The following NEGR1 variants were observed in gnomAD, a reference collection of about 807,000 sequenced individuals.
NEGR1 encodes the protein IgLON family member 4.
Under a neutral mutation model 40.9 loss-of-function variants are expected in NEGR1, and 10 were observed. That is an observed-to-expected ratio of 0.24 (90% CI 0.15 to 0.42). The LOEUF (loss-of-function observed/expected upper bound fraction) is 0.42. Among genes scored for constraint, NEGR1 ranks in the 10% least tolerant of loss-of-function variants. The pLI, the probability that NEGR1 is intolerant of heterozygous loss-of-function variation, is 1.00. For missense variants in NEGR1, 352 were observed against 438.9 expected, an observed-to-expected ratio of 0.80 and a Z score of 1.77; for synonymous variants, 185 against 166.8, an observed-to-expected ratio of 1.11 and a Z score of -0.84.
At chr1:71,825,718 G>A (rs149142688) in intron 2 of NEGR1, among the ~76,000 whole-genome samples, 1 of 151,860 alleles carries the variant, frequency 6.6e-6, no homozygotes, top group African/African-American at 2.4e-5. Context: ...AGGATCACAT[G>A]TGATTATGCA....
chr1:71,571,523 C>T (rs1378045910), intron 6 of NEGR1, among the ~76,000 whole-genome samples: 1 of 152,192 alleles, frequency 6.6e-6, no homozygotes, highest in African/African-American at 2.4e-5. Context: ...GCAGCACTGG[C>T]TCATGCCTGT....
intron 4 of NEGR1, among the ~76,000 whole-genome samples, chr1:71,655,239 G>A (rs1053485194): frequency 2.0e-5 from 3 of 152,082 alleles, no homozygotes; most frequent in Admixed American, 1.3e-4. Context: ...CCATTAAGAA[G>A]CTTACAAAAA....
chr1:71,798,058 G>C (rs554566511), intron 2 of NEGR1: 13 of 152,060 alleles, frequency 8.5e-5, no homozygotes, highest in African/African-American at 1.9e-4. Flanking sequence ...AGGACACAAA[G>C]AGCCAAATAT....
At chr1:71,994,998 A>G (rs1336411181) in intron 1 of NEGR1, among the ~76,000 whole-genome samples, 92 of 94,414 alleles carry the variant, frequency 9.7e-4, no homozygotes, top group African/African-American at 3.6e-3. Context: ...ATTTACAGGA[A>G]AAAAAAAAAA....
intron 2 of NEGR1, among the ~76,000 whole-genome samples, chr1:71,816,397 G>A (rs993682876): frequency 6.6e-6 from 1 of 151,914 alleles, no homozygotes; most frequent in Non-Finnish European, 1.5e-5. Flanking sequence ...TTTAAAAAGG[G>A]GCTTAATGGA....
chr1:71,846,422 C>T (rs112555659), intron 2 of NEGR1, among the ~76,000 whole-genome samples: 2,953 of 122,074 alleles, frequency 0.024, 59 homozygotes, highest in South Asian at 0.12. Flanking sequence ...CACAAACACA[C>T]ACACATGCAG....
chr1:71,602,238 CTTTTTTTTTTTTT>C (rs386367303), intron 5 of NEGR1, among the ~76,000 whole-genome samples: 3 of 64,538 alleles, frequency 4.6e-5, no homozygotes, highest in Admixed American at 5.4e-4. Context: ...CATGATTATT[CTTTTTTTTTTTTT>C]TTTTTTTTTT....
At chr1:71,872,895 C>T in intron 2 of NEGR1, among the ~76,000 whole-genome samples, 1 of 152,078 alleles carries the variant, frequency 6.6e-6, no homozygotes, top group East Asian at 1.9e-4. Flanking sequence ...GTTGTTCTCT[C>T]TCTTTTTACT....
chr1:71,812,987 T>C (rs1658059057), intron 2 of NEGR1, among the ~76,000 whole-genome samples: 1 of 152,140 alleles, frequency 6.6e-6, no homozygotes, highest in East Asian at 1.9e-4. Flanking sequence ...TTTTGATGTT[T>C]TCATAATGAA....
At chr1:72,155,737 T>C (rs1651333779) in intron 1 of NEGR1, among the ~76,000 whole-genome samples, 1 of 152,166 alleles carries the variant, frequency 6.6e-6, no homozygotes, top group East Asian at 1.9e-4. Context: ...AAATTTCCTA[T>C]CTAAAATAAG....
chr1:72,000,797 T>G (rs185619271), intron 1 of NEGR1, among the ~76,000 whole-genome samples: 15 of 152,288 alleles, frequency 9.8e-5, no homozygotes, highest in African/African-American at 2.2e-4. Context: ...TCATTTATTT[T>G]ATATTCTCAG....
chr1:71,447,255 G>A lies in NEGR1; in HGVS notation c.941-39685C>T, dbSNP rs947673397. ...CCTTCGCCAAGTCCTTGGAAAAATT[G>A]TAAAAATTGTCTTCCAAGAAACCGG... is the stretch of plus-strand genomic sequence containing the variant. On this transcript the variant is annotated intron_variant, in intron 6 of 6. Transcript: ENST00000357731. 2.0e-5 allele frequency among the ~76,000 whole-genome samples: 3 copies of A among 152,260 alleles called. No individual in the cohort carries two copies. In the East Asian group the frequency reaches 5.8e-4, roughly 29 times the overall value.
At chr1:72,078,526 G>C (rs1189224359) in intron 1 of NEGR1, among the ~76,000 whole-genome samples, 1 of 151,514 alleles carries the variant, frequency 6.6e-6, no homozygotes, top group Admixed American at 6.6e-5. Flanking sequence ...ACTGATACCA[G>C]TGGGAAGAAT....
chr1:71,677,197 C>T (rs1652669860), intron 4 of NEGR1, among the ~76,000 whole-genome samples: 1 of 151,980 alleles, frequency 6.6e-6, no homozygotes, highest in Non-Finnish European at 1.5e-5. Flanking sequence ...ACAGGGCAGC[C>T]CTCTGTTTCC....
chr1:71,464,506 A>G (rs1478140013), intron 6 of NEGR1, among the ~76,000 whole-genome samples: 1 of 152,092 alleles, frequency 6.6e-6, no homozygotes, highest in East Asian at 1.9e-4. Context: ...TTTTGTTTTA[A>G]TTTTGCCAAA....
chr1:71,851,449 C>A (rs551026185), intron 2 of NEGR1, among the ~76,000 whole-genome samples: 15 of 152,250 alleles, frequency 9.9e-5, no homozygotes, highest in African/African-American at 3.4e-4. Flanking sequence ...ATTATTTTTA[C>A]TACAGTTATG....
intron 1 of NEGR1, among the ~76,000 whole-genome samples, chr1:72,083,567 C>A (rs905227034): frequency 6.6e-6 from 1 of 151,970 alleles, no homozygotes; most frequent in East Asian, 1.9e-4. Context: ...ACTAGATATA[C>A]AAAAGTAACT....
At chr1:71,682,990 T>C (rs1652890685) in intron 4 of NEGR1, among the ~76,000 whole-genome samples, 1 of 144,476 alleles carries the variant, frequency 6.9e-6, no homozygotes, top group Non-Finnish European at 1.5e-5. Context: ...TTGTACAGCC[T>C]GCAGAATCAT....
chr1:72,227,524 G>A (rs1357334954), intron 1 of NEGR1, among the ~76,000 whole-genome samples: 1 of 151,986 alleles, frequency 6.6e-6, no homozygotes, highest in Non-Finnish European at 1.5e-5. Flanking sequence ...ACGGTGAGGA[G>A]GAACAGGGCT....
Sources: allele counts gnomAD v4.1 joint callset (sites outside exome capture counted in the v4.1 genomes callset), GRCh38; gene constraint gnomAD v4.1.1; transcripts MANE v1.5; gene names NCBI Gene and HGNC (gene_info 2026-07-23, HGNC 2026-07-21).